RNF19A: variants seen among roughly 807,000 people sequenced by gnomAD.
The protein encoded by RNF19A is E3 ubiquitin-protein ligase RNF19A.
A neutral mutation model predicts 75.7 loss-of-function variants in RNF19A; 32 were observed. The observed-to-expected ratio is 0.42, with a 90% CI of 0.32 to 0.57. The LOEUF (loss-of-function observed/expected upper bound fraction) is 0.57, where lower values mean the gene tolerates loss of function less well. Among genes scored for constraint, RNF19A ranks in the 20% least tolerant of loss-of-function variants. The pLI is 0.10. For synonymous variants in RNF19A, 335 were observed against 345.2 expected (o/e 0.97, Z 0.33); for missense variants, 782 against 1,036.3 (o/e 0.75, Z 3.37).
intron 3 of RNF19A, among the ~76,000 whole-genome samples, chr8:100,273,580 A>C (rs1356670781): frequency 1.3e-5 from 2 of 152,286 alleles, no homozygotes; most frequent in East Asian, 3.9e-4. Flanking sequence ...GGATAACTAA[A>C]TCATGATTTA....
chr8:100,302,338 G>C (rs1225084027), intron 1 of RNF19A, among the ~76,000 whole-genome samples: 1 of 152,328 alleles, frequency 6.6e-6, no homozygotes, highest in Admixed American at 6.5e-5. Context: ...AGGTAAAACT[G>C]TAAGGATTTC....
chr8:100,283,376 C>A (rs1820872400), intron 2 of RNF19A, among the ~76,000 whole-genome samples: 2 of 152,254 alleles, frequency 1.3e-5, no homozygotes, highest in East Asian at 3.9e-4. Context: ...GGGATCCCTC[C>A]CCCAATTTTT....
chr8:100,307,120 C>T (rs531858065), intron 1 of RNF19A, among the ~76,000 whole-genome samples: 2 of 152,198 alleles, frequency 1.3e-5, no homozygotes, highest in African/African-American at 4.8e-5. Flanking sequence ...TTTATCTTGG[C>T]AAAGAATGTT....
upstream of RNF19A, among the ~76,000 whole-genome samples, chr8:100,311,290 G>T (rs757968144): frequency 4.6e-5 from 7 of 152,184 alleles, no homozygotes; most frequent in Non-Finnish European, 1.0e-4. Flanking sequence ...TCATTTATGG[G>T]AAGTTTTAAA....
Position 100,269,937 on chromosome 8 carries a change from T to C in RNF19A, c.960A>G (p.Thr320=), listed in dbSNP as rs148493533. 10 of 1,610,388 alleles carry C rather than the reference T, an allele frequency of 6.2e-6. No homozygotes were observed. The highest frequency in any genetic ancestry group is 1.3e-5 in the African/African-American group (1 of 74,746). ...AAAACTCACAACCACAAACAGCACATGTCATGTGATTGCAGCTCCCATCAT... is the reference window on the plus strand; with the variant it reads ...AAAACTCACAACCACAAACAGCACACGTCATGTGATTGCAGCTCCCATCAT... ...KMNDGSCNHM[T]CAVCGCEFCW... The change falls in exon 4 of 10, where the codon ACA becomes ACG. Residue 320 remains threonine (T), a synonymous_variant. Transcript: ENST00000341084. The surrounding 1 kb of genome is among the most constrained non-coding windows in gnomAD (Gnocchi z 5.7).
chr8:100,289,311 A>C (rs2129961660), intron 1 of RNF19A, among the ~76,000 whole-genome samples: 1 of 152,280 alleles, frequency 6.6e-6, no homozygotes, highest in African/African-American at 2.4e-5. Context: ...AAAAATTCTT[A>C]AACAGAACAT....
At chr8:100,310,189 G>C, upstream of RNF19A, 1 of 985,300 alleles carries the variant, frequency 1.0e-6, no homozygotes, top group Middle Eastern at 5.2e-4. Flanking sequence ...CGCGCCGCCC[G>C]CGTGCTGTGC....
intron 1 of RNF19A, among the ~76,000 whole-genome samples, chr8:100,288,664 C>T (rs762800292): frequency 6.6e-6 from 1 of 152,036 alleles, no homozygotes; most frequent in African/African-American, 2.4e-5. Flanking sequence ...GGCTCTAACA[C>T]CGCCAGATAT....
upstream of RNF19A, chr8:100,310,190 C>A (rs1026981951): frequency 1.0e-6 from 1 of 985,330 alleles, no homozygotes; most frequent in Non-Finnish European, 1.2e-6. Flanking sequence ...GCGCCGCCCG[C>A]GTGCTGTGCG....
At chr8:100,304,197 G>A (rs1225456300) in intron 1 of RNF19A, among the ~76,000 whole-genome samples, 1 of 151,938 alleles carries the variant, frequency 6.6e-6, no homozygotes, top group African/African-American at 2.4e-5. Context: ...CCTAACCTCA[G>A]GTGATTTGCC....
chr8:100,334,666 T>C (rs1822653764), intron 1 of RNF19A, among the ~76,000 whole-genome samples: 1 of 152,214 alleles, frequency 6.6e-6, no homozygotes, highest in Non-Finnish European at 1.5e-5. Flanking sequence ...AGCTCCCTTG[T>C]TGATTCTAAC....
upstream of RNF19A, among the ~76,000 whole-genome samples, chr8:100,314,331 C>T (rs1822343217): frequency 6.6e-6 from 1 of 151,896 alleles, no homozygotes; most frequent in Admixed American, 6.6e-5. The surrounding 1 kb of genome is among the most constrained non-coding windows in gnomAD (Gnocchi z 4.1). Flanking sequence ...AGTATTAAGC[C>T]ACTTAGTTTA....
intron 1 of RNF19A, among the ~76,000 whole-genome samples, chr8:100,319,370 G>T (rs1822431412): frequency 6.6e-6 from 1 of 151,846 alleles, no homozygotes. Context: ...GACCCTGTAA[G>T]AATAAATGTT....
chr8:100,260,353 G>A lies in RNF19A; in HGVS notation c.1683-356C>T, dbSNP rs1819654101. On this transcript the variant is annotated intron_variant, in intron 8 of 9. Coordinates refer to ENST00000341084, the MANE Select transcript of RNF19A (RefSeq NM_183419.4). This position sits in a 1 kb window ranked among gnomAD's most constrained non-coding sequence, Gnocchi z 4.1. ...GAATACATTATTAATCATTAAACAT[G>A]ACACACCAATGAATCCAAAAATCCT... Among the ~76,000 whole-genome samples, 1 of 152,126 alleles carries A rather than the reference G, an allele frequency of 6.6e-6. No homozygotes were observed. Among genetic ancestry groups the A allele is most frequent in the African/African-American group, 2.4e-5 (1 of 41,434 alleles).
chr8:100,312,897 G>A (rs2130292874), upstream of RNF19A, among the ~76,000 whole-genome samples: 1 of 152,316 alleles, frequency 6.6e-6, no homozygotes, highest in African/African-American at 2.4e-5. Context: ...ACTCCAGCCT[G>A]GGCAATAGAG....
chr8:100,313,272 G>A (rs1309155908), upstream of RNF19A: 1 of 967,474 alleles, frequency 1.0e-6, no homozygotes, highest in African/African-American at 1.8e-5. Context: ...GAAAAATAAT[G>A]AAAAGGAAAT....
chr8:100,293,829 T>C (rs747529397), intron 1 of RNF19A, among the ~76,000 whole-genome samples: 5 of 152,252 alleles, frequency 3.3e-5, no homozygotes, highest in Admixed American at 2.6e-4. Flanking sequence ...CAAATTTCTA[T>C]TGATTTATCT....
intron 7 of RNF19A, among the ~76,000 whole-genome samples, chr8:100,263,685 T>C (rs147832823): frequency 6.6e-6 from 1 of 152,326 alleles, no homozygotes; most frequent in African/African-American, 2.4e-5. Flanking sequence ...TAACATTGAG[T>C]TGAAGATATT....
At chr8:100,298,208 A>AAAAAC (rs1296411847) in intron 1 of RNF19A, among the ~76,000 whole-genome samples, 1 of 151,972 alleles carries the variant, frequency 6.6e-6, no homozygotes, top group African/African-American at 2.4e-5. Flanking sequence ...TAAAAAAAAA[A>AAAAAC]AAAACACTTA....
Sources: allele counts gnomAD v4.1 joint callset (sites outside exome capture counted in the v4.1 genomes callset), GRCh38; gene constraint gnomAD v4.1.1; non-coding constraint Gnocchi (gnomAD v3.1); transcripts MANE v1.5; gene names NCBI Gene and HGNC (gene_info 2026-07-23, HGNC 2026-07-21).